The following HMGB1 variants were observed in gnomAD, a reference collection of about 807,000 sequenced individuals.
HMGB1 encodes high mobility group box 1.
For missense variants in HMGB1, 79 were observed against 253.5 expected (o/e 0.31, Z 4.67); for synonymous variants, 81 against 84.0 (o/e 0.96, Z 0.19).
At chr13:30,554,568 C>A (rs1869591661) in intron 1 of HMGB1, 1 of 775,060 alleles carries the variant, frequency 1.3e-6, no homozygotes, top group African/African-American at 1.7e-5. Flanking sequence ...TTAGCTCCTG[C>A]TTTTGATCAT....
upstream of HMGB1, chr13:30,465,946 C>T: frequency 1.0e-6 from 1 of 986,150 alleles, no homozygotes; most frequent in South Asian, 4.7e-5. Context: ...TACTCTCCAG[C>T]CAGCGCGGCT....
At chr13:30,471,352 G>GT (rs927457337) in intron 1 of HMGB1, among the ~76,000 whole-genome samples, 2 of 151,432 alleles carry the variant, frequency 1.3e-5, no homozygotes, top group Admixed American at 6.6e-5. Context: ...TTTGTTTTTT[G>GT]TTTTTTGTTT....
chr13:30,598,657 T>C (rs1399880865), intron 1 of HMGB1, among the ~76,000 whole-genome samples: 1 of 152,062 alleles, frequency 6.6e-6, no homozygotes, highest in Non-Finnish European at 1.5e-5. Flanking sequence ...CAGGACAAGA[T>C]AGTGTAGGGT....
At chr13:30,605,468 G>A (rs922226795) in intron 1 of HMGB1, among the ~76,000 whole-genome samples, 1 of 152,250 alleles carries the variant, frequency 6.6e-6, no homozygotes, top group African/African-American at 2.4e-5. Flanking sequence ...GAGAGTCTGA[G>A]AGAATCATTA....
At chr13:30,475,026 G>GCT (rs1192619297) in intron 1 of HMGB1, among the ~76,000 whole-genome samples, 9 of 76,712 alleles carry the variant, frequency 1.2e-4, no homozygotes, top group African/African-American at 2.8e-4. Flanking sequence ...TGCGACCTCA[G>GCT]CTCTCTCTCT....
chr13:30,593,736 T>C (rs1279847031), intron 1 of HMGB1, among the ~76,000 whole-genome samples: 1 of 152,188 alleles, frequency 6.6e-6, no homozygotes, highest in East Asian at 1.9e-4. Flanking sequence ...TTTAAAAAGA[T>C]ATCTACAACC....
rs1371854041 is a variant in HMGB1, at chr13:30,458,189, TAAATGTGAA to T, written c.*3159_*3167del. 6.6e-6 allele frequency: 1 copy of T among 152,168 alleles called. No homozygotes were observed. Among genetic ancestry groups the T allele is most frequent in the African/African-American group, 2.4e-5 (1 of 41,440 alleles). 9.4% of individuals were successfully genotyped at this position (152,168 alleles called of 1,614,324 possible). A position where few individuals can be genotyped will look rare whatever the true frequency, so the allele number is the denominator to read the frequency against. On this transcript the variant is annotated 3_prime_UTR_variant, in exon 5 of 5. Transcript: ENST00000341423. ...GGAGGCGTGTTGTACCAAGCAGACC[TAAATGTGAA>T]CTTTCATCAAGGACCTTTTTAGGAG... is the stretch of plus-strand genomic sequence containing the variant.
chr13:30,553,866 A>C (rs182224753), intron 1 of HMGB1: 1 of 1,328,824 alleles, frequency 7.5e-7, no homozygotes, highest in Admixed American at 1.7e-5. Flanking sequence ...GAATACTGAG[A>C]ATGATTATAT....
At chr13:30,491,400 G>A (rs1171996376) in intron 1 of HMGB1, among the ~76,000 whole-genome samples, 1 of 152,134 alleles carries the variant, frequency 6.6e-6, no homozygotes, top group African/African-American at 2.4e-5. Context: ...AACAAACCTT[G>A]AGGCTGGGCA....
At chr13:30,496,639 T>C (rs753355734) in intron 1 of HMGB1, among the ~76,000 whole-genome samples, 59 of 152,204 alleles carry the variant, frequency 3.9e-4, no homozygotes, top group Non-Finnish European at 7.2e-4. Context: ...AGGGGGAGAT[T>C]CTTTATTAAA....
chr13:30,534,406 G>A (rs1888565602), intron 1 of HMGB1, among the ~76,000 whole-genome samples: 1 of 151,754 alleles, frequency 6.6e-6, no homozygotes, highest in Non-Finnish European at 1.5e-5. Flanking sequence ...TACCCTTCAC[G>A]TTGGACTTGT....
chr13:30,488,587 G>A (rs544776608), intron 1 of HMGB1, among the ~76,000 whole-genome samples: 15 of 151,686 alleles, frequency 9.9e-5, no homozygotes, highest in South Asian at 2.1e-4. Flanking sequence ...AGGCTCAAGC[G>A]ATCCTCCCAT....
At chr13:30,469,026 T>A (rs1565997496), upstream of HMGB1, among the ~76,000 whole-genome samples, 1 of 152,110 alleles carries the variant, frequency 6.6e-6, no homozygotes, top group Non-Finnish European at 1.5e-5. Flanking sequence ...CCCGAGTAGC[T>A]GGGACTACAG....
intron 1 of HMGB1, among the ~76,000 whole-genome samples, chr13:30,610,868 C>A (rs1950506915): frequency 6.6e-6 from 1 of 152,024 alleles, no homozygotes; most frequent in African/African-American, 2.4e-5. Flanking sequence ...GTGGTGAGAA[C>A]CATATATTAA....
At chr13:30,504,553 A>C (rs1887808127) in intron 1 of HMGB1, among the ~76,000 whole-genome samples, 1 of 152,198 alleles carries the variant, frequency 6.6e-6, no homozygotes, top group African/African-American at 2.4e-5. Flanking sequence ...AAGAGGGGTA[A>C]TTTGAAAACA....
intron 1 of HMGB1, among the ~76,000 whole-genome samples, chr13:30,580,748 T>C (rs1026976741): frequency 4.6e-5 from 7 of 152,138 alleles, no homozygotes; most frequent in South Asian, 2.1e-4. Flanking sequence ...TTGAATAAAA[T>C]TGGAGACTAG....
At chr13:30,587,106 C>G (rs1871188631) in intron 1 of HMGB1, among the ~76,000 whole-genome samples, 3 of 152,076 alleles carry the variant, frequency 2.0e-5, no homozygotes, top group Non-Finnish European at 4.4e-5. Context: ...TTGATTAAAA[C>G]TAGGGCTTCC....
intron 1 of HMGB1, among the ~76,000 whole-genome samples, chr13:30,519,161 G>A (rs1252248023): frequency 6.6e-6 from 1 of 152,036 alleles, no homozygotes; most frequent in African/African-American, 2.4e-5. Context: ...GGGAGGCCGA[G>A]GCGGGTGGAT....
chr13:30,458,686 C>T lies in HMGB1; in HGVS notation c.*2671G>A, dbSNP rs1444615408. 2 of 152,162 alleles carry T rather than the reference C, an allele frequency of 1.3e-5. No homozygotes were observed. Among genetic ancestry groups the T allele is most frequent in the African/African-American group, 4.8e-5 (2 of 41,428 alleles). The allele number at this position is 152,162 out of a possible 1,614,324, so 9.4% of individuals were successfully genotyped here. A position where few individuals can be genotyped will look rare whatever the true frequency, so the allele number is the denominator to read the frequency against. ...CAATGTCTGAGCAATGGTTACAATT[C>T]CTTAGGTAGTAAGGGAAATACCTGT... On this transcript the variant is annotated 3_prime_UTR_variant, in exon 5 of 5. Transcript: ENST00000341423.
Sources: gnomAD v4.1 joint callset for allele counts (sites outside exome capture counted in the v4.1 genomes callset) on GRCh38, gnomAD v4.1.1 for gene constraint, MANE v1.5 for transcripts, NCBI Gene and HGNC (gene_info 2026-07-23, HGNC 2026-07-21) for gene names.